The following GALNT14 variants were observed in gnomAD, a reference collection of about 807,000 sequenced individuals.
GALNT14 encodes the protein UDP-GalNAc:polypeptide N-acetylgalactosaminyltransferase 14.
A neutral mutation model predicts 77.5 loss-of-function variants in GALNT14; 60 were observed. The observed-to-expected ratio is 0.77, with a 90% confidence interval of 0.63 to 0.96. The LOEUF is 0.96. Among genes scored for constraint, GALNT14 ranks in the 40% least tolerant of loss-of-function variants. The pLI is 0.00. For synonymous variants in GALNT14, 280 were observed against 281.7 expected, an observed-to-expected ratio of 0.99 and a Z score of 0.06; for missense variants, 710 against 731.0, an observed-to-expected ratio of 0.97 and a Z score of 0.33.
intron 1 of GALNT14, among the ~76,000 whole-genome samples, chr2:31,108,750 C>G (rs1677690021): frequency 6.6e-6 from 1 of 152,200 alleles, no homozygotes; most frequent in African/African-American, 2.4e-5. Flanking sequence ...TATGCATGCT[C>G]TGTGATGGCT....
chr2:31,058,477 G>C (rs1674379140), intron 1 of GALNT14, among the ~76,000 whole-genome samples: 1 of 152,048 alleles, frequency 6.6e-6, no homozygotes, highest in East Asian at 1.9e-4. Flanking sequence ...TTGATCATCA[G>C]GGTCAGAATC....
intron 1 of GALNT14, among the ~76,000 whole-genome samples, chr2:31,112,163 C>G (rs554087537): frequency 6.6e-6 from 1 of 152,180 alleles, no homozygotes; most frequent in African/African-American, 2.4e-5. Context: ...GAAGTGTCTT[C>G]CAAAATGCCC....
chr2:31,000,803 A>AT (rs774365183), intron 1 of GALNT14, among the ~76,000 whole-genome samples: 1 of 152,204 alleles, frequency 6.6e-6, no homozygotes, highest in Non-Finnish European at 1.5e-5. Flanking sequence ...ATTTGACCAA[A>AT]TATCTGGACA....
intron 1 of GALNT14, among the ~76,000 whole-genome samples, chr2:31,044,396 T>C (rs1349840588): frequency 6.6e-6 from 1 of 152,156 alleles, no homozygotes; most frequent in Non-Finnish European, 1.5e-5. Flanking sequence ...TCGATTATTA[T>C]CATTTACTGA....
Position 31,133,093 on chromosome 2 carries a change from C to T in GALNT14, c.129+4865G>A, listed in dbSNP as rs962307706. ...ATCAATACTTCCCACTCCCTGGCCC[C>T]CTACCCGCCAGATTATCCTTAAAAA... On this transcript the variant is annotated intron_variant, in intron 1 of 14. Transcript: ENST00000349752. Among the ~76,000 whole-genome samples, 3 of 151,862 alleles carry T rather than the reference C, an allele frequency of 2.0e-5. No individual in the cohort carries two copies. In the East Asian group the frequency reaches 5.8e-4, roughly 29 times the overall value.
intron 2 of GALNT14, among the ~76,000 whole-genome samples, chr2:30,968,445 T>G (rs1668141031): frequency 6.6e-6 from 1 of 152,236 alleles, no homozygotes; most frequent in Non-Finnish European, 1.5e-5. Flanking sequence ...ACAAAAACAT[T>G]GCAGGCTCTG....
chr2:31,064,688 C>T (rs550519325), intron 1 of GALNT14, among the ~76,000 whole-genome samples: 5 of 152,150 alleles, frequency 3.3e-5, no homozygotes, highest in African/African-American at 1.2e-4. Flanking sequence ...TCGCCAGACA[C>T]AAGTGCACCT....
In GALNT14 at chr2:31,049,940, G is replaced by C. The variant is rs758297098; in HGVS notation, c.130-56933C>G. 1.2e-3 allele frequency among the ~76,000 whole-genome samples: 190 copies of C among 152,240 alleles called. 1 individual carries two copies. The highest frequency in any genetic ancestry group is 1.9e-3 in the Non-Finnish European group (128 of 68,012). On this transcript the variant is annotated intron_variant, in intron 1 of 14. Transcript: ENST00000349752. The stretch of plus-strand genomic sequence containing the variant: ...TGAAATTCTTGGGGGGCAAAGTATG[G>C]AAAAGTATGGGACCAGGAGGTAGGG...
At chr2:30,937,984 A>G (rs1666153205) in intron 9 of GALNT14, among the ~76,000 whole-genome samples, 1 of 152,104 alleles carries the variant, frequency 6.6e-6, no homozygotes, top group Non-Finnish European at 1.5e-5. Context: ...TATAGGATTT[A>G]AACTGAGGCT....
At chr2:31,089,698 G>A (rs1676634846) in intron 1 of GALNT14, among the ~76,000 whole-genome samples, 1 of 152,098 alleles carries the variant, frequency 6.6e-6, no homozygotes, top group Non-Finnish European at 1.5e-5. Flanking sequence ...TGCTTAGAGG[G>A]CTTTCTGTTT....
At chr2:31,105,523 C>G (rs993114742) in intron 1 of GALNT14, among the ~76,000 whole-genome samples, 7 of 152,076 alleles carry the variant, frequency 4.6e-5, no homozygotes, top group African/African-American at 1.7e-4. Context: ...GTCAGGAGTT[C>G]GAGACCAGCC....
intron 2 of GALNT14, among the ~76,000 whole-genome samples, chr2:30,967,404 A>G (rs1668075797): frequency 6.6e-6 from 1 of 152,100 alleles, no homozygotes. Flanking sequence ...GATAACTCTG[A>G]TCAGTTTTTT....
rs1481165813 is a variant in GALNT14, at chr2:30,924,183, T to C, written c.1316A>G (p.Gln439Arg). The C allele has an allele frequency of 6.2e-7, 1 of 1,614,234 alleles. No individual in the cohort carries two copies. ...KCLESQRQNNQETPNLKLSPC... is the reference protein window; with the variant it reads ...KCLESQRQNNRETPNLKLSPC... The stretch of plus-strand genomic sequence containing the variant: ...GCTCAACTTTAGGTTTGGGGTTTCT[T>C]GGTTGTTCTGCCTTTGAGATTCCAG... The change falls in exon 13 of 15, where the codon CAA (glutamine) becomes CGA (arginine). Residue 439 changes from glutamine to arginine, a missense_variant. Coordinates refer to ENST00000349752, the MANE Select transcript of GALNT14 (RefSeq NM_024572.4).
intron 11 of GALNT14, among the ~76,000 whole-genome samples, chr2:30,927,029 A>G (rs1320608979): frequency 1.3e-5 from 2 of 152,090 alleles, no homozygotes; most frequent in Admixed American, 6.5e-5. Flanking sequence ...GATGTAAGAC[A>G]CTGAATAAGT....
chr2:31,095,591 C>A (rs1364724820), intron 1 of GALNT14, among the ~76,000 whole-genome samples: 3 of 152,104 alleles, frequency 2.0e-5, no homozygotes, highest in Admixed American at 1.3e-4. Flanking sequence ...AAGCTTTTGA[C>A]CCTCCATGAG....
At chr2:31,048,300 T>G (rs528322976) in intron 1 of GALNT14, among the ~76,000 whole-genome samples, 3 of 152,148 alleles carry the variant, frequency 2.0e-5, no homozygotes, top group South Asian at 2.1e-4. Flanking sequence ...AACTGAAGAT[T>G]TGGGGCCCTG....
chr2:31,014,187 G>A (rs930581960), intron 1 of GALNT14, among the ~76,000 whole-genome samples: 1 of 152,172 alleles, frequency 6.6e-6, no homozygotes, highest in African/African-American at 2.4e-5. Context: ...AAAAAGCAGT[G>A]GCTTGCACAT....
chr2:31,047,486 C>A (rs1273950302), intron 1 of GALNT14, among the ~76,000 whole-genome samples: 1 of 152,160 alleles, frequency 6.6e-6, no homozygotes, highest in Non-Finnish European at 1.5e-5. Flanking sequence ...ACTCTCTGGG[C>A]CTGAAGAGCT....
intron 13 of GALNT14, among the ~76,000 whole-genome samples, chr2:30,914,465 T>G (rs1664554787): frequency 6.6e-6 from 1 of 152,194 alleles, no homozygotes; most frequent in Non-Finnish European, 1.5e-5. Flanking sequence ...CAGTTCCCAA[T>G]GACAACCTTT....
Sources: allele counts gnomAD v4.1 joint callset (sites outside exome capture counted in the v4.1 genomes callset), GRCh38; gene constraint gnomAD v4.1.1; transcripts MANE v1.5; gene names NCBI Gene and HGNC (gene_info 2026-07-23, HGNC 2026-07-21).